ULK4: variants seen among roughly 807,000 people sequenced by gnomAD.
ULK4 encodes inactive serine/threonine-protein kinase ULK4.
ULK4 carries 133 observed loss-of-function variants against 160.6 expected under a neutral mutation model. The ratio of observed to expected loss-of-function variants is 0.83; its 90% CI spans 0.72 to 0.96. The LOEUF is 0.96. Among genes scored for constraint, ULK4 ranks in the 40% least tolerant of loss-of-function variants. The pLI, the probability that ULK4 is intolerant of heterozygous loss-of-function variation, is 0.00. For synonymous variants in ULK4, 534 were observed against 539.8 expected, an observed-to-expected ratio of 0.99 and a Z score of 0.15; for missense variants, 1,580 against 1,499.5, an observed-to-expected ratio of 1.05 and a Z score of -0.89.
chr3:41,788,785 A>G (rs2040068852), intron 21 of ULK4, among the ~76,000 whole-genome samples: 1 of 152,228 alleles, frequency 6.6e-6, no homozygotes, highest in Non-Finnish European at 1.5e-5. Flanking sequence ...AATACACATT[A>G]GCATATTAAA....
At chr3:41,824,630 C>A (rs1439137879) in intron 18 of ULK4, among the ~76,000 whole-genome samples, 1 of 152,186 alleles carries the variant, frequency 6.6e-6, no homozygotes, top group Non-Finnish European at 1.5e-5. Context: ...GGGTGCCTAC[C>A]ATTGCCGAGG....
intron 17 of ULK4, among the ~76,000 whole-genome samples, chr3:41,847,919 G>C (rs2042111765): frequency 6.6e-6 from 1 of 152,128 alleles, no homozygotes; most frequent in Admixed American, 6.5e-5. Context: ...ATAATGCCAG[G>C]GGAGACAGAT....
At chr3:41,630,823 G>A (rs2033710773) in intron 30 of ULK4, among the ~76,000 whole-genome samples, 1 of 152,094 alleles carries the variant, frequency 6.6e-6, no homozygotes, top group Non-Finnish European at 1.5e-5. Flanking sequence ...GCCTACTTGT[G>A]TACCAACCAA....
intron 13 of ULK4, 98 bp from the exon 14 acceptor site, chr3:41,898,590 CA>C (rs944974578): frequency 2.4e-5 from 17 of 712,724 alleles, no homozygotes; most frequent in Middle Eastern, 2.6e-4. Flanking sequence ...TCAATGAGGA[CA>C]AAAAAAGAAT....
At chr3:41,493,067 A>G in intron 32 of ULK4, among the ~76,000 whole-genome samples, 1 of 104,928 alleles carries the variant, frequency 9.5e-6, no homozygotes, top group Non-Finnish European at 2.1e-5. Context: ...TCAGCTCTGC[A>G]CCAAGCGGAC....
intron 27 of ULK4, among the ~76,000 whole-genome samples, chr3:41,703,939 G>A (rs1256525345): frequency 6.6e-6 from 1 of 151,750 alleles, no homozygotes; most frequent in East Asian, 1.9e-4. Context: ...ACAAACTGAA[G>A]AATTCAGTTC....
At chr3:41,615,493 C>T (rs1559434095) in intron 31 of ULK4, among the ~76,000 whole-genome samples, 176 bp downstream of exon 31, 1 of 152,164 alleles carries the variant, frequency 6.6e-6, no homozygotes, top group Non-Finnish European at 1.5e-5. Context: ...AATTTCAGAG[C>T]TTGACATTCC....
chr3:41,353,333 T>A (rs1321740475), intron 35 of ULK4, among the ~76,000 whole-genome samples: 2 of 152,156 alleles, frequency 1.3e-5, no homozygotes, highest in Non-Finnish European at 2.9e-5. Context: ...TATTAAAATA[T>A]TTTAACATTC....
intron 17 of ULK4, among the ~76,000 whole-genome samples, chr3:41,855,661 C>T (rs939969066): frequency 3.2e-4 from 48 of 152,266 alleles, no homozygotes; most frequent in African/African-American, 1.1e-3. Context: ...AAAGTCATAT[C>T]TTCAACACTC....
At chr3:41,771,023 A>C (rs2039339550) in intron 21 of ULK4, among the ~76,000 whole-genome samples, 1 of 152,218 alleles carries the variant, frequency 6.6e-6, no homozygotes, top group Non-Finnish European at 1.5e-5. Flanking sequence ...AAGTTTGTAA[A>C]TATTAAGAGA....
At chr3:41,943,714 T>C (rs1700032401) in intron 2 of ULK4, among the ~76,000 whole-genome samples, 1 of 152,104 alleles carries the variant, frequency 6.6e-6, no homozygotes, top group African/African-American at 2.4e-5. Context: ...TCCACCAACT[T>C]GCATCTTGTA....
chr3:41,696,125 A>T (rs1349618572), intron 27 of ULK4, among the ~76,000 whole-genome samples: 2 of 151,984 alleles, frequency 1.3e-5, no homozygotes, highest in Admixed American at 1.3e-4. Flanking sequence ...TCCCCGGGGG[A>T]GTTTAGAAAA....
chr3:41,710,701 T>A (rs2037064012), intron 25 of ULK4, among the ~76,000 whole-genome samples: 1 of 149,832 alleles, frequency 6.7e-6, no homozygotes, highest in African/African-American at 2.5e-5. Flanking sequence ...GGCTGAGGAA[T>A]GAGAATTGCT....
At chr3:41,710,994 C>G (rs1390375177) in intron 25 of ULK4, among the ~76,000 whole-genome samples, 1 of 152,030 alleles carries the variant, frequency 6.6e-6, no homozygotes, top group African/African-American at 2.4e-5. Context: ...GGTGGGCCGA[C>G]AAGCGGATGC....
chr3:41,721,547 T>C lies in ULK4; in HGVS notation c.2322-3686A>G, dbSNP rs190974819. 7.1e-4 allele frequency among the ~76,000 whole-genome samples: 107 copies of C among 150,836 alleles called. 1 individual carries two copies. In the East Asian group the frequency reaches 0.017, roughly 24 times the overall value. ...CACGCACAGCTAATTTTTGTATTTT[T>C]AGTGGAGACCGGGTTTCACCATCTT... is the stretch of plus-strand genomic sequence containing the variant. On this transcript the variant is annotated intron_variant, in intron 22 of 36. Coordinates refer to ENST00000301831, the MANE Select transcript of ULK4 (RefSeq NM_017886.4).
intron 2 of ULK4, among the ~76,000 whole-genome samples, chr3:41,945,722 T>A (rs1717025): frequency 6.6e-6 from 1 of 152,142 alleles, no homozygotes; most frequent in Admixed American, 6.5e-5. Flanking sequence ...CCTGATGAAC[T>A]GCCTAAACTG....
At chr3:41,874,923 C>T (rs185008927) in intron 17 of ULK4, among the ~76,000 whole-genome samples, 23 of 152,320 alleles carry the variant, frequency 1.5e-4, no homozygotes, top group Admixed American at 1.0e-3. Context: ...CCTGTAATCC[C>T]AGCACTTTGG....
At chr3:41,946,688 T>G (rs1700121875) in intron 2 of ULK4, among the ~76,000 whole-genome samples, 1 of 152,174 alleles carries the variant, frequency 6.6e-6, no homozygotes, top group Non-Finnish European at 1.5e-5. Flanking sequence ...TATCCAGCAT[T>G]TGTAGTGTGT....
intron 35 of ULK4, among the ~76,000 whole-genome samples, chr3:41,347,158 C>T (rs150794905): frequency 5.1e-4 from 78 of 152,300 alleles, no homozygotes; most frequent in African/African-American, 1.9e-3. Context: ...GCCGTCGCTG[C>T]AGCTCTAGCT....
Sources: allele counts gnomAD v4.1 joint callset (sites outside exome capture counted in the v4.1 genomes callset), GRCh38; gene constraint gnomAD v4.1.1; transcripts MANE v1.5; gene names NCBI Gene and HGNC (gene_info 2026-07-23, HGNC 2026-07-21).